Variants in PTPRN2 observed in about 807,000 individuals in gnomAD.
PTPRN2 encodes protein tyrosine phosphatase receptor type N2.
In PTPRN2, 74 loss-of-function variants were observed where a neutral mutation model predicts 118.8. The observed-to-expected ratio is 0.62, with a 90% CI of 0.52 to 0.76. PTPRN2 has a LOEUF of 0.76. Among genes scored for constraint, PTPRN2 ranks in the 30% least tolerant of loss-of-function variants. The probability of loss-of-function intolerance (pLI) is 0.00; values close to 1 mark genes in which losing one functional copy is unlikely to be tolerated. For missense variants in PTPRN2, 1,481 were observed against 1,394.4 expected, an observed-to-expected ratio of 1.06 and a Z score of -0.99; for synonymous variants, 641 against 608.0, an observed-to-expected ratio of 1.05 and a Z score of -0.80.
At position 158,546,753 on chromosome 7, in the gene PTPRN2, G is replaced by A. The variant is rs545395256; in HGVS notation, c.112+40805C>T. Among the ~76,000 whole-genome samples the A allele has an allele frequency of 1.1e-3, 170 of 152,316 alleles. No individual in the cohort carries two copies. The highest frequency in any genetic ancestry group is 1.9e-3 in the Non-Finnish European group (128 of 68,018). ...AGCCTGGGAGGCCCGGTCACCCCAC[G>A]GCCAGCGCCTGCCAAGTTCTTGTGA... On this transcript the variant is annotated intron_variant, in intron 1 of 22. Coordinates refer to ENST00000389418, the MANE Select transcript of PTPRN2 (RefSeq NM_002847.5). This position sits in a 1 kb window ranked among gnomAD's most constrained non-coding sequence, Gnocchi z 5.0.
intron 22 of PTPRN2, among the ~76,000 whole-genome samples, chr7:157,545,174 G>A (rs1409345241): frequency 6.7e-6 from 1 of 149,778 alleles, no homozygotes; most frequent in East Asian, 2.0e-4. Flanking sequence ...GTGTGGCTGA[G>A]TGGTGTTTGT....
chr7:158,144,833 C>A (rs537765092), intron 6 of PTPRN2, among the ~76,000 whole-genome samples: 8 of 152,306 alleles, frequency 5.3e-5, no homozygotes, highest in Non-Finnish European at 1.2e-4. Flanking sequence ...GTCGACCCAC[C>A]CTGAACTTTG....
At chr7:158,376,874 C>T (rs370883435) in intron 2 of PTPRN2, among the ~76,000 whole-genome samples, 8 of 77,902 alleles carry the variant, frequency 1.0e-4, no homozygotes, top group African/African-American at 4.1e-4. Flanking sequence ...CCCTGTCACA[C>T]GTCCTGAGAG....
intron 3 of PTPRN2, among the ~76,000 whole-genome samples, chr7:158,302,480 C>T (rs1182018521): frequency 1.3e-5 from 2 of 152,250 alleles, no homozygotes; most frequent in Non-Finnish European, 2.9e-5. Context: ...TCTCCCTCTG[C>T]CCAATTCAGC....
intron 21 of PTPRN2, among the ~76,000 whole-genome samples, chr7:157,556,724 C>T (rs1371945799): frequency 6.7e-6 from 1 of 149,224 alleles, no homozygotes; most frequent in Non-Finnish European, 1.5e-5. Context: ...TGTGCACATG[C>T]CCACACTACA....
chr7:157,638,332 A>T (rs963347730), intron 14 of PTPRN2, among the ~76,000 whole-genome samples: 2 of 151,844 alleles, frequency 1.3e-5, no homozygotes, highest in African/African-American at 4.8e-5. Flanking sequence ...GACAAAGTTA[A>T]TATCCAGCTC....
intron 6 of PTPRN2, among the ~76,000 whole-genome samples, chr7:158,149,136 C>T (rs201377806): frequency 0.23 from 618 of 2,736 alleles, 11 homozygotes; most frequent in South Asian, 0.33. Flanking sequence ...CCCCATCTCA[C>T]GCCACGTGTC....
intron 12 of PTPRN2, among the ~76,000 whole-genome samples, chr7:157,822,869 C>T (rs996213083): frequency 6.6e-6 from 1 of 151,934 alleles, no homozygotes; most frequent in African/African-American, 2.4e-5. Context: ...TGCAGGCATC[C>T]ATCCTTCCTC....
intron 5 of PTPRN2, among the ~76,000 whole-genome samples, chr7:158,181,860 A>G (rs1190836889): frequency 6.6e-6 from 1 of 152,154 alleles, no homozygotes; most frequent in African/African-American, 2.4e-5. Context: ...TATATTTTCA[A>G]AAAACCAATT....
At position 157,927,405 on chromosome 7, in the gene PTPRN2, C is replaced by T. The variant is rs770388895; in HGVS notation, c.1724-28668G>A. Among the ~76,000 whole-genome samples the T allele has an allele frequency of 1.1e-3, 95 of 84,702 alleles. 1 individual carries two copies. Among genetic ancestry groups the T allele is most frequent in the African/African-American group, 2.4e-3 (34 of 14,020 alleles). The allele number at this position is 84,702 out of a possible 152,430, so 55.6% of individuals were successfully genotyped here. On this transcript the variant is annotated intron_variant, in intron 11 of 22. Transcript: ENST00000389418. ...CTGAAGACAGGAAGCCCCAGGGACC[C>T]GTCTGAGAGCAGAGGCCTCACATCT...
chr7:158,134,583 T>C (rs1387830674), intron 8 of PTPRN2, among the ~76,000 whole-genome samples: 1 of 152,112 alleles, frequency 6.6e-6, no homozygotes, highest in African/African-American at 2.4e-5. Context: ...GTAACCCCAG[T>C]TCACAGAAGG....
chr7:157,986,810 G>A lies in PTPRN2; in HGVS notation c.1724-88073C>T, dbSNP rs886607613. On this transcript the variant is annotated intron_variant, in intron 11 of 22. Transcript: ENST00000389418. The surrounding 1 kb of genome is among the most constrained non-coding windows in gnomAD (Gnocchi z 4.5). ...GGGCAGAGGAGACATTTTGGAGCAG[G>A]TGGTCGGTGCCCACCCACTGACAGG... Among the ~76,000 whole-genome samples, 1 of 152,148 alleles carries A rather than the reference G, an allele frequency of 6.6e-6. No homozygotes were observed. The highest frequency in any genetic ancestry group is 1.5e-5 in the Non-Finnish European group (1 of 68,022).
At chr7:157,988,800 C>T (rs999273832) in intron 11 of PTPRN2, among the ~76,000 whole-genome samples, 2 of 152,222 alleles carry the variant, frequency 1.3e-5, no homozygotes, top group Admixed American at 1.3e-4. Context: ...TGCTGGGCTG[C>T]ACCCTGGGCA....
intron 1 of PTPRN2, among the ~76,000 whole-genome samples, chr7:158,557,543 T>C (rs1827124665): frequency 6.6e-6 from 1 of 152,240 alleles, no homozygotes; most frequent in Admixed American, 6.5e-5. Flanking sequence ...CGGCCGCCGC[T>C]CCGCTCAACC....
At chr7:158,564,622 T>C (rs1827568355) in intron 1 of PTPRN2, among the ~76,000 whole-genome samples, 1 of 147,560 alleles carries the variant, frequency 6.8e-6, no homozygotes, top group South Asian at 2.3e-4. Flanking sequence ...CTGCCCACCC[T>C]TCATGCCCCA....
chr7:157,767,165 C>G (rs1563086449), intron 12 of PTPRN2, among the ~76,000 whole-genome samples: 1 of 152,178 alleles, frequency 6.6e-6, no homozygotes, highest in Non-Finnish European at 1.5e-5. Context: ...CTGAGCTTCC[C>G]TGGCTGCAGG....
At chr7:158,102,894 C>G (rs190622375) in intron 10 of PTPRN2, among the ~76,000 whole-genome samples, 93 of 152,262 alleles carry the variant, frequency 6.1e-4, no homozygotes, top group Non-Finnish European at 1.1e-3. Flanking sequence ...GCACTGCAGA[C>G]CCGGGAGGAC....
intron 11 of PTPRN2, among the ~76,000 whole-genome samples, chr7:158,006,420 A>C (rs1264141248): frequency 1.3e-5 from 2 of 152,222 alleles, no homozygotes; most frequent in African/African-American, 2.4e-5. Context: ...CATCTCCCTG[A>C]CAACCCAGAA....
chr7:158,415,707 C>T (rs1563265623), intron 2 of PTPRN2, among the ~76,000 whole-genome samples: 3 of 152,128 alleles, frequency 2.0e-5, no homozygotes, highest in African/African-American at 4.8e-5. Flanking sequence ...CGCAAATCCT[C>T]GTCAAAGACC....
Sources: allele counts gnomAD v4.1 joint callset (sites outside exome capture counted in the v4.1 genomes callset), GRCh38; gene constraint gnomAD v4.1.1; non-coding constraint Gnocchi (gnomAD v3.1); transcripts MANE v1.5; gene names NCBI Gene and HGNC (gene_info 2026-07-23, HGNC 2026-07-21).